The following CNKSR2 variants were observed in gnomAD, a reference collection of about 807,000 sequenced individuals.
The protein encoded by CNKSR2 is CNK homolog protein 2.
A neutral mutation model predicts 84.4 loss-of-function variants in CNKSR2; 14 were observed. The observed-to-expected ratio is 0.17, with a 90% CI of 0.11 to 0.26. The LOEUF (loss-of-function observed/expected upper bound fraction) is 0.26, where lower values mean the gene tolerates loss of function less well. CNKSR2 is among the 10% of genes least tolerant of loss of function. The pLI is 1.00. For synonymous variants in CNKSR2, 275 were observed against 277.9 expected (o/e 0.99, Z 0.10); for missense variants, 485 against 771.2 (o/e 0.63, Z 4.40).
chrX:21,563,314 G>A lies in CNKSR2; in HGVS notation c.1470G>A (p.Lys490=), dbSNP rs770146526. 10 of 1,207,957 alleles carry A rather than the reference G, an allele frequency of 8.3e-6. No homozygotes were observed. The highest frequency in any genetic ancestry group is 1.0e-5 in the Non-Finnish European group (9 of 893,799). The change falls in exon 13 of 22, where the codon AAG becomes AAA. Residue 490 remains lysine (K), a synonymous_variant. Transcript: ENST00000379510. ...EEYMFQRNSK[K]DTGKKSKKKG... ...ACATGTTTCAGAGAAACAGCAAAAA[G>A]GACACAGGGAAGAAGTCAAAAAAGA... is the stretch of plus-strand genomic sequence containing the variant.
At chrX:21,534,611 T>C (rs2091911858) in intron 11 of CNKSR2, among the ~76,000 whole-genome samples, 1 of 111,111 alleles carries the variant, frequency 9.0e-6, no homozygotes, top group Admixed American at 9.6e-5. Context: ...ATTTTTTGTC[T>C]TTTTGTTAAT....
chrX:21,495,249 C>A (rs1356078102), intron 6 of CNKSR2: 2 of 111,470 alleles, frequency 1.8e-5, no homozygotes, highest in Middle Eastern at 4.6e-3. Flanking sequence ...TGGGCAGACT[C>A]CCCAGCCTCT....
At chrX:21,610,233 G>A (rs1296272390) in intron 20 of CNKSR2, among the ~76,000 whole-genome samples, 1 of 112,570 alleles carries the variant, frequency 8.9e-6, no homozygotes, top group African/African-American at 3.2e-5. Context: ...TTCTTGGTAT[G>A]TGTGTTGATC....
chrX:21,518,604 A>G (rs1457339513), intron 9 of CNKSR2, among the ~76,000 whole-genome samples: 1 of 111,461 alleles, frequency 9.0e-6, no homozygotes, highest in Non-Finnish European at 1.9e-5. Context: ...TTTTTGTTAC[A>G]TATACATTGG....
At chrX:21,447,603 C>T (rs752656487) in intron 4 of CNKSR2, among the ~76,000 whole-genome samples, 1 of 110,808 alleles carries the variant, frequency 9.0e-6, no homozygotes, top group African/African-American at 3.3e-5. Context: ...GAGGAGAGTC[C>T]CTGATATGCT....
chrX:21,437,986 C>T (rs1453344893), intron 3 of CNKSR2, among the ~76,000 whole-genome samples: 1 of 111,009 alleles, frequency 9.0e-6, no homozygotes, highest in Non-Finnish European at 1.9e-5. Flanking sequence ...CTTATGTCTC[C>T]TTTTATTTAA....
chrX:21,545,209 G>A (rs112043510), intron 11 of CNKSR2, among the ~76,000 whole-genome samples: 47 of 111,840 alleles, frequency 4.2e-4, no homozygotes, highest in African/African-American at 1.3e-3. Context: ...GGGAAGGGGC[G>A]TCCACCATTA....
intron 20 of CNKSR2, among the ~76,000 whole-genome samples, chrX:21,634,200 T>C (rs1386113672): frequency 4.5e-5 from 5 of 112,172 alleles, no homozygotes; most frequent in African/African-American, 1.6e-4. Context: ...TTATTGTAGA[T>C]TAGAAAATAA....
At chrX:21,594,678 A>C (rs971177903) in intron 15 of CNKSR2, 11 of 169,532 alleles carry the variant, frequency 6.5e-5, no homozygotes, top group African/African-American at 3.3e-4. Flanking sequence ...TGACCAGAAA[A>C]TTAGTTATAA....
intron 20 of CNKSR2, among the ~76,000 whole-genome samples, chrX:21,637,866 T>C (rs2092678966): frequency 8.9e-6 from 1 of 111,798 alleles, no homozygotes; most frequent in Non-Finnish European, 1.9e-5. Context: ...CACAAAACAA[T>C]TCTACTCTCC....
At chrX:21,415,833 T>TACACACACACAC (rs559013925) in intron 1 of CNKSR2, among the ~76,000 whole-genome samples, 3 of 88,214 alleles carry the variant, frequency 3.4e-5, no homozygotes, top group Admixed American at 1.4e-4. Flanking sequence ...TATACATATA[T>TACACACACACAC]ACACACACAC....
intron 1 of CNKSR2, among the ~76,000 whole-genome samples, chrX:21,380,294 ATGT>A (rs933251650): frequency 8.9e-6 from 1 of 111,800 alleles, no homozygotes; most frequent in African/African-American, 3.2e-5. Flanking sequence ...AATCATTAAC[ATGT>A]TGTTAGATAT....
At chrX:21,426,740 T>C in intron 2 of CNKSR2, 80 bp downstream of exon 2, 1 of 1,044,469 alleles carries the variant, frequency 9.6e-7, no homozygotes, top group East Asian at 3.3e-5. Context: ...TCTCCTCTTT[T>C]GATAATCGAA....
intron 1 of CNKSR2, among the ~76,000 whole-genome samples, chrX:21,406,797 G>A (rs774405458): frequency 8.9e-6 from 1 of 111,779 alleles, no homozygotes; most frequent in African/African-American, 3.2e-5. Context: ...TGAAATACAA[G>A]TTTGTAATTT....
intron 11 of CNKSR2, among the ~76,000 whole-genome samples, chrX:21,557,810 T>A (rs1485263616): frequency 9.0e-6 from 1 of 111,557 alleles, no homozygotes; most frequent in African/African-American, 3.2e-5. Context: ...AGTACTACTA[T>A]GTAAAGATAT....
chrX:21,635,419 CAT>C (rs1491127062), intron 20 of CNKSR2, among the ~76,000 whole-genome samples: 2 of 98,623 alleles, frequency 2.0e-5, no homozygotes, highest in Non-Finnish European at 4.0e-5. Context: ...TATATATACA[CAT>C]ATATATGTAT....
intron 3 of CNKSR2, among the ~76,000 whole-genome samples, chrX:21,436,863 A>G (rs1405873465): frequency 9.0e-6 from 1 of 111,019 alleles, no homozygotes; most frequent in African/African-American, 3.3e-5. Context: ...CTGACCTTTT[A>G]CCCTTATTTA....
At chrX:21,633,053 A>G (rs1032263315) in intron 20 of CNKSR2, among the ~76,000 whole-genome samples, 3 of 111,191 alleles carry the variant, frequency 2.7e-5, no homozygotes, top group South Asian at 7.6e-4. Context: ...AATAGGGTCA[A>G]AGTTCCACAG....
At chrX:21,507,189 T>G (rs1453419817) in intron 8 of CNKSR2, among the ~76,000 whole-genome samples, 1 of 110,918 alleles carries the variant, frequency 9.0e-6, no homozygotes, top group African/African-American at 3.3e-5. Context: ...TAAGTTCTTT[T>G]TAGTTTATTT....
Sources: gnomAD v4.1 joint callset for allele counts (sites outside exome capture counted in the v4.1 genomes callset) on GRCh38, gnomAD v4.1.1 for gene constraint, MANE v1.5 for transcripts, NCBI Gene and HGNC (gene_info 2026-07-23, HGNC 2026-07-21) for gene names.